NHS: variants seen among roughly 807,000 people sequenced by gnomAD.
NHS encodes NHS actin remodeling regulator, also known as actin remodeling regulator NHS.
Under a neutral mutation model 72.5 loss-of-function variants are expected in NHS, and 5 were observed. That is an observed-to-expected ratio of 0.07 (90% CI 0.04 to 0.14). The LOEUF (loss-of-function observed/expected upper bound fraction) is 0.14. NHS is among the 10% of genes least tolerant of loss of function. The pLI is 1.00. For synonymous variants in NHS, 464 were observed against 547.7 expected, an observed-to-expected ratio of 0.85 and a Z score of 2.13; for missense variants, 1,072 against 1,355.7, an observed-to-expected ratio of 0.79 and a Z score of 3.29.
At chrX:17,637,265 C>T (rs2065855050) in intron 1 of NHS, among the ~76,000 whole-genome samples, 2 of 111,888 alleles carry the variant, frequency 1.8e-5, no homozygotes, top group Admixed American at 1.9e-4. Context: ...AAATAAGGCC[C>T]TGCCAGAAGT....
At chrX:17,543,303 G>C (rs1238252614) in intron 1 of NHS, among the ~76,000 whole-genome samples, 2 of 112,231 alleles carry the variant, frequency 1.8e-5, no homozygotes, top group East Asian at 5.6e-4. Flanking sequence ...CTTAGTTCTT[G>C]CTTTACCTGC....
At chrX:17,649,113 A>T (rs1432287425) in intron 1 of NHS, among the ~76,000 whole-genome samples, 1 of 111,791 alleles carries the variant, frequency 8.9e-6, no homozygotes, top group Non-Finnish European at 1.9e-5. Flanking sequence ...CTTTTTTCAC[A>T]TATTGCATAT....
chrX:17,561,563 C>T (rs773250517), intron 1 of NHS, among the ~76,000 whole-genome samples: 12 of 70,190 alleles, frequency 1.7e-4, no homozygotes, highest in South Asian at 9.1e-4. Context: ...TGCATGCGCG[C>T]GCGCGCGCGC....
At chrX:17,642,295 T>C (rs1328009920) in intron 1 of NHS, among the ~76,000 whole-genome samples, 2 of 112,242 alleles carry the variant, frequency 1.8e-5, no homozygotes, top group Non-Finnish European at 3.8e-5. Flanking sequence ...TCTCATAGGC[T>C]TGTTGTGAAG....
chrX:17,550,975 G>A (rs1050157534), intron 1 of NHS, among the ~76,000 whole-genome samples: 1 of 110,830 alleles, frequency 9.0e-6, no homozygotes, highest in Non-Finnish European at 1.9e-5. Context: ...CCAACCCAGG[G>A]TTTTCTTTCT....
intron 1 of NHS, among the ~76,000 whole-genome samples, chrX:17,656,363 G>A (rs752977083): frequency 3.5e-5 from 4 of 113,485 alleles, no homozygotes; most frequent in African/African-American, 1.3e-4. Flanking sequence ...CAGGCCATGC[G>A]GGTGTGTGAG....
rs770144581 is a variant in NHS, at chrX:17,725,607, C to T, written c.1501C>T (p.Arg501Cys). 83 of 1,209,575 alleles carry T rather than the reference C, an allele frequency of 6.9e-5. No homozygotes were observed. In the South Asian group the frequency reaches 1.2e-3, roughly 18 times the overall value. Residue 501 changes from arginine (R) to cysteine (C), a missense_variant, in exon 7 of 9, where the codon CGC becomes TGC. Arg to Cys is a radical substitution (Grantham distance 180, BLOSUM62 -3). Coordinates refer to ENST00000676302, the MANE Select transcript of NHS (RefSeq NM_001291867.2). The stretch of plus-strand genomic sequence containing the variant: ...CATGTTTACTCCTGCAGTGAGCAGC[C>T]GCACAAGATCTCGGAGCCTTCCCCG... ...DTMFTPAVSSRTRSRSLPREG... is the reference protein window; with the variant it reads ...DTMFTPAVSSCTRSRSLPREG...
intron 1 of NHS, among the ~76,000 whole-genome samples, chrX:17,568,537 A>G (rs763194409): frequency 4.3e-5 from 4 of 92,053 alleles, no homozygotes; most frequent in Non-Finnish European, 6.5e-5. Flanking sequence ...TTTTTTTTGT[A>G]TTAATGAAAC....
At chrX:17,461,463 T>C (rs1018495932) in intron 1 of NHS, among the ~76,000 whole-genome samples, 9 of 112,646 alleles carry the variant, frequency 8.0e-5, no homozygotes, top group African/African-American at 2.9e-4. Context: ...AAGCTTTTCC[T>C]CTTAAGCTGT....
chrX:17,386,215 T>C (rs993003431), intron 1 of NHS, among the ~76,000 whole-genome samples: 5 of 112,234 alleles, frequency 4.5e-5, no homozygotes, highest in African/African-American at 1.6e-4. Flanking sequence ...TGGAGGTCAC[T>C]GTTATGGCAC....
chrX:17,566,802 C>G (rs1309825793), intron 1 of NHS, among the ~76,000 whole-genome samples: 1 of 110,304 alleles, frequency 9.1e-6, no homozygotes, highest in Non-Finnish European at 1.9e-5. Context: ...AGAATTCCTT[C>G]TTGGACTCAA....
chrX:17,453,559 C>A (rs957408242), intron 1 of NHS, among the ~76,000 whole-genome samples: 3 of 111,212 alleles, frequency 2.7e-5, no homozygotes, highest in Non-Finnish European at 5.7e-5. Flanking sequence ...GATAAACAAG[C>A]GCACATTTTA....
At chrX:17,622,472 G>T (rs183401219) in intron 1 of NHS, among the ~76,000 whole-genome samples, 26 of 112,081 alleles carry the variant, frequency 2.3e-4, no homozygotes, top group African/African-American at 8.4e-4. Flanking sequence ...TGGTCTTGAA[G>T]CAACCTCACT....
chrX:17,576,581 AAG>A (rs1333318149), intron 1 of NHS, among the ~76,000 whole-genome samples: 5 of 112,187 alleles, frequency 4.5e-5, no homozygotes. Flanking sequence ...AATCCAGAGT[AAG>A]AGAATTAGTT....
chrX:17,543,025 G>T (rs774795794), intron 1 of NHS, among the ~76,000 whole-genome samples: 137 of 111,772 alleles, frequency 1.2e-3, no homozygotes, highest in African/African-American at 4.2e-3. Context: ...TTTATCCTCT[G>T]GGGGAGGTGG....
Position 17,638,965 on chromosome X carries a change from G to A in NHS, c.566-48777G>A, listed in dbSNP as rs558074395. ...AAATACCAACAGTGTGCCTAGGGGA[G>A]GGCATGCAGCCAAATGTTACACTGA... On this transcript the variant is annotated intron_variant, in intron 1 of 8. Transcript: ENST00000676302. Among the ~76,000 whole-genome samples the A allele has an allele frequency of 5.2e-4, 58 of 111,764 alleles. 2 individuals are homozygous for A. The South Asian group carries it at 0.02, about 39-fold the overall frequency.
At chrX:17,538,670 G>T (rs2065245823) in intron 1 of NHS, among the ~76,000 whole-genome samples, 1 of 111,892 alleles carries the variant, frequency 8.9e-6, no homozygotes, top group African/African-American at 3.3e-5. Flanking sequence ...GTGCAAAGTG[G>T]GAAGGGGCTT....
At chrX:17,707,631 A>G (rs1174406198) in intron 3 of NHS, among the ~76,000 whole-genome samples, 1 of 111,663 alleles carries the variant, frequency 9.0e-6, no homozygotes, top group Admixed American at 9.5e-5. Context: ...TATCAGGAAG[A>G]AAAAAACGGG....
intron 1 of NHS, among the ~76,000 whole-genome samples, chrX:17,539,517 A>G (rs2065252179): frequency 1.8e-5 from 2 of 110,227 alleles, no homozygotes; most frequent in Non-Finnish European, 3.8e-5. Context: ...GCTAAACAAA[A>G]TTATCGAATG....
Sources: gnomAD v4.1 joint callset for allele counts (sites outside exome capture counted in the v4.1 genomes callset) on GRCh38, gnomAD v4.1.1 for gene constraint, MANE v1.5 for transcripts, NCBI Gene and HGNC (gene_info 2026-07-23, HGNC 2026-07-21) for gene names.